The following MCFD2 variants were observed in gnomAD, a reference collection of about 807,000 sequenced individuals.
The protein encoded by MCFD2 is multiple coagulation factor deficiency protein 2.
A neutral mutation model predicts 12.8 loss-of-function variants in MCFD2; 11 were observed. The observed-to-expected ratio is 0.86, with a 90% confidence interval of 0.54 to 1.42. The LOEUF (loss-of-function observed/expected upper bound fraction) is 1.42. Among genes scored for constraint, MCFD2 ranks in the 40% most tolerant of loss-of-function variants. The pLI is 0.00. For synonymous variants in MCFD2, 70 were observed against 68.1 expected (o/e 1.03, Z -0.14); for missense variants, 191 against 178.6 (o/e 1.07, Z -0.40).
chr2:46,914,240 A>C (rs1174451505), intron 1 of MCFD2: 1 of 152,260 alleles, frequency 6.6e-6, no homozygotes, highest in Non-Finnish European at 1.5e-5. Flanking sequence ...GTGTGTCATC[A>C]GTCCTATCAG....
chr2:46,930,435 G>GGA (rs1669630701), intron 1 of MCFD2, among the ~76,000 whole-genome samples: 1 of 120,344 alleles, frequency 8.3e-6, no homozygotes, highest in African/African-American at 3.0e-5. Flanking sequence ...GTATTCCTAG[G>GGA]AAAAAAAAAA....
intron 1 of MCFD2, among the ~76,000 whole-genome samples, chr2:46,910,516 C>T (rs1668440737): frequency 1.3e-5 from 2 of 152,208 alleles, no homozygotes; most frequent in South Asian, 4.1e-4. Flanking sequence ...TTACATGCTA[C>T]ACACAGGGCT....
At chr2:46,935,091 G>A (rs556091165) in intron 1 of MCFD2, among the ~76,000 whole-genome samples, 8 of 152,114 alleles carry the variant, frequency 5.3e-5, no homozygotes, top group Admixed American at 6.5e-5. Flanking sequence ...GAGCCACCAC[G>A]CCGAGCCCTA....
In MCFD2 at chr2:46,908,021, T is replaced by A; in HGVS notation, c.150-52A>T. The A allele has an allele frequency of 6.2e-7, 1 of 1,604,898 alleles. No homozygotes were observed. On this transcript the variant is annotated intron_variant, in intron 2 of 3. Transcript: ENST00000319466. This position sits in a 1 kb window ranked among gnomAD's most constrained non-coding sequence, Gnocchi z 4.5. ...CAATTGACAGATACTGGGATCATGCTGAAATCTTAAGGACTCTGAAAAGTT... is the reference window on the plus strand; with the variant it reads ...CAATTGACAGATACTGGGATCATGCAGAAATCTTAAGGACTCTGAAAAGTT...
rs190057089 is a variant in MCFD2 at position 46,930,779 on chromosome 2, C to T, written c.-8+10793G>A. On this transcript the variant is annotated intron_variant, in intron 1 of 2. Transcript: ENST00000409147. ...CCTCCCAAAGTGCAGGGATTACAGG[C>T]GTGAGCCACCGCACCCAGCCTGAAG... 5.3e-3 allele frequency among the ~76,000 whole-genome samples: 810 copies of T among 152,172 alleles called. 5 individuals are homozygous for T. The highest frequency in any genetic ancestry group is 9.5e-3 in the Non-Finnish European group (644 of 68,006).
chr2:46,914,600 C>G (rs1388621733), intron 1 of MCFD2, among the ~76,000 whole-genome samples: 1 of 152,176 alleles, frequency 6.6e-6, no homozygotes, highest in Non-Finnish European at 1.5e-5. Flanking sequence ...CATTTAATGA[C>G]CGTACTAACA....
chr2:46,937,921 T>G lies in MCFD2; in HGVS notation c.-8+3651A>C, dbSNP rs1263206376. On this transcript the variant is annotated intron_variant, in intron 1 of 2. Transcript: ENST00000409147. The surrounding 1 kb of genome is among the most constrained non-coding windows in gnomAD (Gnocchi z 4.0). ...CAGGTCATGGACTGAAGAAAACTAC[T>G]GTGTATATATATGTAAAAGAGAGAA... Among the ~76,000 whole-genome samples, 1 of 152,140 alleles carries G rather than the reference T, an allele frequency of 6.6e-6. No individual in the cohort carries two copies. The highest frequency in any genetic ancestry group is 2.4e-5 in the African/African-American group (1 of 41,414).
At position 46,908,047 on chromosome 2, in the gene MCFD2, C is replaced by A; in HGVS notation, c.150-78G>T. The A allele has an allele frequency of 6.5e-7, 1 of 1,537,306 alleles. No homozygotes were observed. The highest frequency in any genetic ancestry group is 1.1e-5 in the South Asian group (1 of 88,474). On this transcript the variant is annotated intron_variant, in intron 2 of 3. Coordinates refer to ENST00000319466, the MANE Select transcript of MCFD2 (RefSeq NM_139279.6). This position sits in a 1 kb window ranked among gnomAD's most constrained non-coding sequence, Gnocchi z 4.5. ...GAAATCTTAAGGACTCTGAAAAGTT[C>A]AAGATCTTAAACTTCCTCCAGCTCA...
At chr2:46,924,439 A>C (rs958386129) in intron 1 of MCFD2, among the ~76,000 whole-genome samples, 1 of 152,116 alleles carries the variant, frequency 6.6e-6, no homozygotes, top group Non-Finnish European at 1.5e-5. Context: ...CATTTATGGA[A>C]TATAATCATA....
upstream of MCFD2, chr2:46,917,422 C>T: frequency 1.8e-6 from 1 of 564,702 alleles, no homozygotes; most frequent in South Asian, 2.3e-5. Flanking sequence ...TCATCCATCT[C>T]TTCATCCATT....
chr2:46,911,830 G>A (rs1015243649), intron 1 of MCFD2, among the ~76,000 whole-genome samples: 6 of 152,242 alleles, frequency 3.9e-5, no homozygotes, highest in African/African-American at 1.4e-4. Flanking sequence ...GGAGGCTGCG[G>A]CAGGAGAATG....
In MCFD2 at chr2:46,941,756, AGCGAGCGC is replaced by A. The variant is rs982489045; in HGVS notation, c.-200_-193del. 1.3e-6 allele frequency: 2 copies of A among 1,546,892 alleles called. No individual in the cohort carries two copies. The highest frequency in any genetic ancestry group is 2.0e-5 in the Admixed American group (1 of 50,902). ...TAAGGGAAGAGGCTGGCTCGCCGGC[AGCGAGCGC>A]GCGAAACGCACCGCCTCCTCCAGGA... is the stretch of plus-strand genomic sequence containing the variant. On this transcript the variant is annotated 5_prime_UTR_variant, in exon 1 of 3. Transcript: ENST00000409147. This position sits in a 1 kb window ranked among gnomAD's most constrained non-coding sequence, Gnocchi z 4.2.
intron 1 of MCFD2, among the ~76,000 whole-genome samples, chr2:46,928,977 A>G (rs113127977): frequency 0.027 from 4,180 of 152,270 alleles, 112 homozygotes; most frequent in African/African-American, 0.067. Context: ...AGCCTGGCCA[A>G]CATGGCAAAA....
upstream of MCFD2, chr2:46,916,006 C>A: frequency 1.0e-6 from 1 of 985,498 alleles, no homozygotes; most frequent in Non-Finnish European, 1.2e-6. Context: ...CGACACTCGG[C>A]TCCACTCCAG....
At chr2:46,926,931 G>C (rs1669413252) in intron 1 of MCFD2, among the ~76,000 whole-genome samples, 1 of 151,874 alleles carries the variant, frequency 6.6e-6, no homozygotes, top group South Asian at 2.1e-4. Context: ...CAAAACATTA[G>C]AAAAAAGAAC....
chr2:46,940,160 TA>T lies in MCFD2; in HGVS notation c.-8+1411del, dbSNP rs1670210434. Reference sequence around the variant, plus strand: ...CTAGGAGCCTGGGTTCTGCTTGACATAAAAACCTTCCCTCGGTTACAGTTGT... The same window carrying T: ...CTAGGAGCCTGGGTTCTGCTTGACATAAAACCTTCCCTCGGTTACAGTTGT... On this transcript the variant is annotated intron_variant, in intron 1 of 2. Transcript: ENST00000409147. This position sits in a 1 kb window ranked among gnomAD's most constrained non-coding sequence, Gnocchi z 4.7. Among the ~76,000 whole-genome samples, 2 of 151,900 alleles carry T rather than the reference TA, an allele frequency of 1.3e-5. No individual in the cohort carries two copies. The highest frequency in any genetic ancestry group is 2.9e-5 in the Non-Finnish European group (2 of 67,988).
intron 1 of MCFD2, among the ~76,000 whole-genome samples, chr2:46,913,357 G>A (rs1008984200): frequency 6.6e-6 from 1 of 152,064 alleles, no homozygotes. Flanking sequence ...AGACCAGCCT[G>A]GACAACATGG....
At chr2:46,935,876 G>A (rs1363692076) in intron 1 of MCFD2, among the ~76,000 whole-genome samples, 1 of 152,054 alleles carries the variant, frequency 6.6e-6, no homozygotes, top group Non-Finnish European at 1.5e-5. Context: ...GATTGCTAGT[G>A]GCCAGGAGTT....
rs1670429216 is a variant in MCFD2, at chr2:46,941,825, C to T, written c.-261G>A. ...GACAGTCCTCGGCCGACAGCGGGCG[C>T]CTGCCAGCCCACCGTGCTAGTCTTA... is the stretch of plus-strand genomic sequence containing the variant. On this transcript the variant is annotated 5_prime_UTR_variant, in exon 1 of 3. Transcript: ENST00000409147. This position sits in a 1 kb window ranked among gnomAD's most constrained non-coding sequence, Gnocchi z 4.2. 2 of 1,448,940 alleles carry T rather than the reference C, an allele frequency of 1.4e-6. No homozygotes were observed. Among genetic ancestry groups the T allele is most frequent in the Non-Finnish European group, 1.9e-6 (2 of 1,067,464 alleles). The allele number at this position is 1,448,940 out of a possible 1,614,324, so 89.8% of individuals were successfully genotyped here. A position where few individuals can be genotyped will look rare whatever the true frequency, so the allele number is the denominator to read the frequency against.
Sources: allele counts gnomAD v4.1 joint callset (sites outside exome capture counted in the v4.1 genomes callset), GRCh38; gene constraint gnomAD v4.1.1; non-coding constraint Gnocchi (gnomAD v3.1); transcripts MANE v1.5; gene names NCBI Gene and HGNC (gene_info 2026-07-23, HGNC 2026-07-21).